Variants in REXO1 observed in about 807,000 individuals in gnomAD.
REXO1 encodes the protein REX1, RNA exonuclease 1 homolog.
A neutral mutation model predicts 102.6 loss-of-function variants in REXO1; 42 were observed. The ratio of observed to expected loss-of-function variants is 0.41; its 90% confidence interval spans 0.32 to 0.53. The LOEUF (loss-of-function observed/expected upper bound fraction) is 0.53. Ranked by LOEUF, REXO1 falls within the 20% of genes least tolerant of loss-of-function variation. The pLI, the probability that REXO1 is intolerant of heterozygous loss-of-function variation, is 0.27. For missense variants in REXO1, 1,819 were observed against 1,732.5 expected (o/e 1.05, Z -0.89); for synonymous variants, 908 against 779.1 (o/e 1.17, Z -2.76).
intron 3 of REXO1, 28 bp from the exon 4 acceptor site, chr19:1,823,813 G>A (rs1427509191): frequency 8.9e-6 from 10 of 1,126,250 alleles, no homozygotes; most frequent in Non-Finnish European, 1.1e-5. Context: ...CTAAGGCCTG[G>A]CAGCACAGCG....
At position 1,827,615 on chromosome 19, in the gene REXO1, C is replaced by A. The variant is rs375969881; in HGVS notation, c.1174G>T (p.Gly392Trp). Residue 392 changes from glycine (G) to tryptophan (W), a missense_variant, in exon 2 of 16, where the codon GGG (glycine) becomes TGG (tryptophan). Coordinates refer to ENST00000170168, the MANE Select transcript of REXO1 (RefSeq NM_020695.4). ...TTGGTCTTGTCCTTCCCCTGGGCCC[C>A]GTCTTTGCAGCTGGGGGCAGGTGGG... ...GAPPAPSCKD[G>W]AQGKDKTKDK... The A allele has an allele frequency of 2.5e-6, 4 of 1,579,670 alleles. No individual in the cohort carries two copies. The African/African-American group carries it at 5.5e-5, about 22-fold the overall frequency.
Position 1,827,262 on chromosome 19 carries a change from G to T in REXO1, c.1527C>A (p.Pro509=). The part of the protein sequence containing the change: ...SLDEGASQDA[P]KLKKRALSHA... ...GGCTCAGGGCCCGCTTCTTCAGCTT[G>T]GGGGCGTCCTGGGAGGCGCCCTCGT... The change falls in exon 2 of 16, where the codon CCC becomes CCA. Residue 509 remains proline (P), a synonymous_variant. Coordinates refer to ENST00000170168, the MANE Select transcript of REXO1 (RefSeq NM_020695.4). The T allele has an allele frequency of 3.2e-6, 5 of 1,559,266 alleles. No individual in the cohort carries two copies. The highest frequency in any genetic ancestry group is 4.3e-6 in the Non-Finnish European group (5 of 1,159,314).
chr19:1,817,197 G>A (rs1340589190), intron 12 of REXO1, 22 bp downstream of exon 12: 14 of 1,610,124 alleles, frequency 8.7e-6, no homozygotes, highest in South Asian at 2.2e-5. Context: ...TGAACCCGAC[G>A]CTGGGCAGAG....
In REXO1 at chr19:1,826,370, G is replaced by A. The variant is rs776494419; in HGVS notation, c.1912-427C>T. Among the ~76,000 whole-genome samples the A allele has an allele frequency of 5.9e-5, 9 of 151,382 alleles. No homozygotes were observed. Among genetic ancestry groups the A allele is most frequent in the Non-Finnish European group, 5.9e-5 (4 of 67,928 alleles). ...GGCTGGCCCAGGAGAGCAAGAGCTCGCCACGCTGGGAGTAGGGAGGAGGGA... is the reference window on the plus strand; with the variant it reads ...GGCTGGCCCAGGAGAGCAAGAGCTCACCACGCTGGGAGTAGGGAGGAGGGA... On this transcript the variant is annotated intron_variant, in intron 2 of 15. Transcript: ENST00000170168. The surrounding 1 kb of genome is among the most constrained non-coding windows in gnomAD (Gnocchi z 4.3).
intron 10 of REXO1, among the ~76,000 whole-genome samples, 195 bp downstream of exon 10, chr19:1,818,281 CTTACTT>C (rs1321880916): frequency 6.6e-6 from 1 of 152,214 alleles, no homozygotes; most frequent in African/African-American, 2.4e-5. Flanking sequence ...AAGCTCTTGT[CTTACTT>C]TTGCATAAAG....
chr19:1,838,071 G>A (rs1694770769), intron 1 of REXO1, among the ~76,000 whole-genome samples: 1 of 152,284 alleles, frequency 6.6e-6, no homozygotes, highest in South Asian at 2.1e-4. Flanking sequence ...GCTCTGGGAG[G>A]CTGAGCCCAA....
intron 1 of REXO1, chr19:1,830,866 A>T (rs1244143868): frequency 6.5e-6 from 1 of 154,936 alleles, no homozygotes; most frequent in Non-Finnish European, 1.5e-5. Context: ...TGCAGCCTTC[A>T]CTGCAAAAAC....
At chr19:1,843,373 C>T (rs1193090710) in intron 1 of REXO1, among the ~76,000 whole-genome samples, 1 of 152,212 alleles carries the variant, frequency 6.6e-6, no homozygotes. Context: ...GACTCGCAGG[C>T]TCGCCGGCGA....
intron 1 of REXO1, among the ~76,000 whole-genome samples, chr19:1,841,017 G>A (rs950088573): frequency 2.0e-5 from 3 of 152,190 alleles, no homozygotes; most frequent in Admixed American, 6.5e-5. Flanking sequence ...GAGGCGCTCC[G>A]TCCTCGCAGC....
At chr19:1,835,838 CCTGG>C (rs369797878) in intron 1 of REXO1, among the ~76,000 whole-genome samples, 2 of 152,192 alleles carry the variant, frequency 1.3e-5, no homozygotes, top group African/African-American at 4.8e-5. Context: ...GGCCACAACG[CCTGG>C]CTGGCTATCT....
At position 1,815,960 on chromosome 19, in the gene REXO1, CG is replaced by C; in HGVS notation, c.*105del. The C allele has an allele frequency of 6.5e-7, 1 of 1,535,376 alleles. No homozygotes were observed. Among genetic ancestry groups the C allele is most frequent in the South Asian group, 1.2e-5 (1 of 83,940 alleles). The stretch of plus-strand genomic sequence containing the variant: ...CTCATCCCGCTGCTCTGGGCTGCCT[CG>C]GCCAGGTGGACGGGTTACCGGAGAT... On this transcript the variant is annotated 3_prime_UTR_variant, in exon 16 of 16. Transcript: ENST00000170168. The surrounding 1 kb of genome is among the most constrained non-coding windows in gnomAD (Gnocchi z 4.0).
chr19:1,823,642 G>A lies in REXO1; in HGVS notation c.2160C>T (p.Pro720=), dbSNP rs1487372453. Residue 720 remains proline (P), a synonymous_variant, in exon 4 of 16, where the codon CCC becomes CCT. Transcript: ENST00000170168. ...CGCCAGGGGCGGAAATGTGGACGGA[G>A]GGCGACTTCTCTGCCAGCCTGGCGG... ...QAPARLAEKS[P]SVHISAPGEK... 1.5e-6 allele frequency: 2 copies of A among 1,305,904 alleles called. No homozygotes were observed. The highest frequency in any genetic ancestry group is 2.8e-5 in the South Asian group (1 of 35,566). The allele number at this position is 1,305,904 out of a possible 1,614,324, so 80.9% of individuals were successfully genotyped here.
At chr19:1,819,878 C>T (rs917160471) in intron 7 of REXO1, 56 bp downstream of exon 7, 2 of 1,494,776 alleles carry the variant, frequency 1.3e-6, no homozygotes, top group African/African-American at 2.8e-5. Flanking sequence ...GGTCCCAGCC[C>T]AGCTGCCACC....
At position 1,823,789 on chromosome 19, in the gene REXO1, C is replaced by A. The variant is rs775584000; in HGVS notation, c.2017-4G>T. On this transcript the variant is annotated splice_region_variant and splice_polypyrimidine_tract_variant and intron_variant, in intron 3 of 15. Coordinates refer to ENST00000170168, the MANE Select transcript of REXO1 (RefSeq NM_020695.4). ...GACCCCTCCTCGGGGGCTCCACCTGCGTCACCACAAATGCTAAGGCCTGGC... is the reference window on the plus strand; with the variant it reads ...GACCCCTCCTCGGGGGCTCCACCTGAGTCACCACAAATGCTAAGGCCTGGC... 1.6e-6 allele frequency: 2 copies of A among 1,224,818 alleles called. No individual in the cohort carries two copies. The highest frequency in any genetic ancestry group is 3.1e-5 in the African/African-American group (2 of 64,592). The allele number at this position is 1,224,818 out of a possible 1,614,324, so 75.9% of individuals were successfully genotyped here. A position where few individuals can be genotyped will look rare whatever the true frequency, so the allele number is the denominator to read the frequency against.
At chr19:1,838,718 G>A (rs546282463) in intron 1 of REXO1, among the ~76,000 whole-genome samples, 2 of 150,002 alleles carry the variant, frequency 1.3e-5, no homozygotes, top group Admixed American at 1.3e-4. Flanking sequence ...GACAAGAACC[G>A]GCAGGGAGGA....
At chr19:1,834,936 C>T (rs745405053) in intron 1 of REXO1, 8 of 428,928 alleles carry the variant, frequency 1.9e-5, no homozygotes, top group Non-Finnish European at 2.8e-5. Context: ...GGCTCCCCCA[C>T]CCTGCAGCCT....
At chr19:1,821,015 CAA>C (rs1329360362) in intron 5 of REXO1, among the ~76,000 whole-genome samples, 1 of 149,232 alleles carries the variant, frequency 6.7e-6, no homozygotes, top group Non-Finnish European at 1.5e-5. Context: ...AAAAAAACAC[CAA>C]CCAACCAAAA....
chr19:1,819,377 A>G (rs1292757836), intron 7 of REXO1, among the ~76,000 whole-genome samples: 1 of 152,136 alleles, frequency 6.6e-6, no homozygotes, highest in Non-Finnish European at 1.5e-5. Flanking sequence ...CCCACACCCA[A>G]AGTCTTCGTC....
At chr19:1,817,433 A>G in intron 11 of REXO1, 104 bp from the exon 12 acceptor site, 2 of 1,527,270 alleles carry the variant, frequency 1.3e-6, no homozygotes, top group Non-Finnish European at 8.8e-7. Context: ...CTATCCATCC[A>G]TCACGCCCAT....
Sources: gnomAD v4.1 joint callset for allele counts (sites outside exome capture counted in the v4.1 genomes callset) on GRCh38, gnomAD v4.1.1 for gene constraint, Gnocchi (gnomAD v3.1) non-coding constraint, MANE v1.5 for transcripts, NCBI Gene and HGNC (gene_info 2026-07-23, HGNC 2026-07-21) for gene names.